A2M: variants seen among roughly 807,000 people sequenced by gnomAD.
A2M encodes C3 and PZP-like alpha-2-macroglobulin domain-containing protein 5.
A2M carries 128 observed loss-of-function variants against 183.9 expected under a neutral mutation model. That is an observed-to-expected ratio of 0.70 (90% CI 0.60 to 0.81). The LOEUF is 0.81. A2M is among the 30% of genes least tolerant of loss of function. The probability of loss-of-function intolerance (pLI) is 0.00; values close to 1 mark genes in which losing one functional copy is unlikely to be tolerated. For synonymous variants in A2M, 592 were observed against 670.8 expected, an observed-to-expected ratio of 0.88 and a Z score of 1.81; for missense variants, 1,495 against 1,787.6, an observed-to-expected ratio of 0.84 and a Z score of 2.95.
At chr12:9,077,551 A>G in intron 26 of A2M, 131 bp from the exon 27 acceptor site, 2 of 1,468,366 alleles carry the variant, frequency 1.4e-6, no homozygotes, top group Non-Finnish European at 1.9e-6. Context: ...TATCACAATC[A>G]ACTTTTGTTC....
chr12:9,101,747 A>C (rs755139071), intron 11 of A2M, 73 bp from the exon 12 acceptor site: 1 of 1,218,592 alleles, frequency 8.2e-7, no homozygotes, highest in Non-Finnish European at 1.2e-6. Flanking sequence ...AAAACTACGT[A>C]AGTTTACTGT....
chr12:9,067,917 G>T, intron 35 of A2M, 78 bp from the exon 36 acceptor site: 1 of 1,373,566 alleles, frequency 7.3e-7, no homozygotes, highest in Non-Finnish European at 1.0e-6. Flanking sequence ...CTTAGTTCTG[G>T]GTAGCATAGT....
chr12:9,106,521 T>C lies in A2M; in HGVS notation c.964A>G (p.Thr322Ala), dbSNP rs1345004962. 1 of 1,598,594 alleles carries C rather than the reference T, an allele frequency of 6.3e-7. No homozygotes were observed. Among genetic ancestry groups the C allele is most frequent in the Admixed American group, 1.7e-5 (1 of 58,120 alleles). Residue 322 changes from threonine (T) to alanine (A), a missense_variant, in exon 9 of 36, where the codon ACT becomes GCT. Transcript: ENST00000318602. ...KRKEYEMKLH[T>A]EAQIQEEGTV... ...CCTTCTTCTTGGATCTGGGCCTCAG[T>C]GTGAAGTTTCATTTCATACTCCTTC...
chr12:9,079,743 T>C lies in A2M; in HGVS notation c.2927A>G (p.Asn976Ser). ...GATGTTAGGAGCAAAGAGGACCATA[T>C]TCTGCTCTCCACAGCCATAGGGCAT... ...LQMPYGCGEQ[N>S]MVLFAPNIYV... The change falls in exon 24 of 36, where the codon AAT becomes AGT. Residue 976 changes from asparagine (N) to serine (S), a missense_variant. Coordinates refer to ENST00000318602, the MANE Select transcript of A2M (RefSeq NM_000014.6). The C allele has an allele frequency of 6.2e-7, 1 of 1,613,742 alleles. No individual in the cohort carries two copies. Among genetic ancestry groups the C allele is most frequent in the Non-Finnish European group, 8.5e-7 (1 of 1,179,782 alleles).
chr12:9,072,785 C>G lies in A2M; in HGVS notation c.3843G>C (p.Gln1281His), dbSNP rs1426931402. The G allele has an allele frequency of 6.2e-7, 1 of 1,614,194 alleles. No individual in the cohort carries two copies. Among genetic ancestry groups the G allele is most frequent in the Non-Finnish European group, 8.5e-7 (1 of 1,180,030 alleles). Residue 1281 changes from glutamine (Q) to histidine (H), a missense_variant, in exon 30 of 36, where the codon CAG (glutamine) becomes CAC (histidine). Coordinates refer to ENST00000318602, the MANE Select transcript of A2M (RefSeq NM_000014.6). ...ATTTGCTGGAAAATGTCCCTGAAGA[C>G]TGGATAGTCACCTGTGCAGCCTTCC... ...RTGKAAQVTI[Q>H]SSGTFSSKFQ...
chr12:9,101,718 T>C (rs1210342809), intron 11 of A2M, 44 bp from the exon 12 acceptor site: 1 of 1,432,524 alleles, frequency 7.0e-7, no homozygotes, highest in African/African-American at 1.4e-5. Context: ...TTATACGTCA[T>C]AAAGATTAAT....
At chr12:9,112,623 TG>T in intron 2 of A2M, 87 bp from the exon 3 acceptor site, 1 of 1,464,606 alleles carries the variant, frequency 6.8e-7, no homozygotes. Flanking sequence ...CTGGAGATCT[TG>T]CCCTTCTTAC....
intron 13 of A2M, among the ~76,000 whole-genome samples, chr12:9,100,253 G>T (rs1424854814): frequency 6.6e-6 from 1 of 152,096 alleles, no homozygotes; most frequent in Non-Finnish European, 1.5e-5. Flanking sequence ...AAATGACTCA[G>T]CACAAGACCT....
At chr12:9,086,372 A>AAACC (rs1373341773) in intron 22 of A2M, among the ~76,000 whole-genome samples, 1 of 152,166 alleles carries the variant, frequency 6.6e-6, no homozygotes, top group South Asian at 2.1e-4. Context: ...TTAAAAAACT[A>AAACC]AACCAACCAA....
At position 9,087,988 on chromosome 12, in the gene A2M, C is replaced by T. The variant is rs766440497; in HGVS notation, c.2770+1212G>A. On this transcript the variant is annotated intron_variant, in intron 22 of 35. Transcript: ENST00000318602. ...AATATAGGAAGACTAAAACACTAAG[C>T]AGAATTGTGATGTATTTATATTATA... Among the ~76,000 whole-genome samples the T allele has an allele frequency of 7.2e-5, 11 of 152,112 alleles. No individual in the cohort carries two copies. In the East Asian group the frequency reaches 2.1e-3, roughly 29 times the overall value.
In A2M at chr12:9,072,661, A is replaced by G. The variant is rs763366610; in HGVS notation, c.3967T>C (p.Tyr1323His). The G allele has an allele frequency of 1.1e-5, 17 of 1,614,038 alleles. No homozygotes were observed. The highest frequency in any genetic ancestry group is 1.4e-5 in the Non-Finnish European group (17 of 1,179,896). ...SMKVTGEGCV[Y>H]LQTSLKYNIL... ...CTGCCCAAGAGTCTCACCTGGAGGT[A>G]GACACATCCTTCTCCTGTCACTTTC... Residue 1323 changes from tyrosine to histidine, a missense_variant, in exon 30 of 36, where the codon TAC becomes CAC. Transcript: ENST00000318602.
In A2M at chr12:9,112,548, G is replaced by T. The variant is rs1938818648; in HGVS notation, c.271-12C>A. The T allele has an allele frequency of 2.5e-6, 4 of 1,613,096 alleles. No individual in the cohort carries two copies. The highest frequency in any genetic ancestry group is 2.2e-5 in the East Asian group (1 of 44,862). ...GAAGACTTTGGGACCTGAAATACAG[G>T]ACCGATCCTGAAACCCCATTCAGCA... is the stretch of plus-strand genomic sequence containing the variant. On this transcript the variant is annotated splice_polypyrimidine_tract_variant and intron_variant, in intron 2 of 35. Transcript: ENST00000318602.
chr12:9,095,111 G>T, intron 16 of A2M, 27 bp from the exon 17 acceptor site: 1 of 1,161,330 alleles, frequency 8.6e-7, no homozygotes, highest in Non-Finnish European at 1.2e-6. Context: ...CATCTAATCA[G>T]TAAATATATA....
At chr12:9,109,450 T>G in intron 6 of A2M, 45 bp from the exon 7 acceptor site, 1 of 1,472,514 alleles carries the variant, frequency 6.8e-7, no homozygotes, top group Non-Finnish European at 9.5e-7. Flanking sequence ...TTTTCAACTT[T>G]GGGGGAATTC....
At chr12:9,086,328 G>A (rs1277247133) in intron 22 of A2M, among the ~76,000 whole-genome samples, 1 of 152,170 alleles carries the variant, frequency 6.6e-6, no homozygotes, top group South Asian at 2.1e-4. Flanking sequence ...AGGAGTTCAA[G>A]TCCAGCCTGG....
In A2M at chr12:9,090,456, G is replaced by A. The variant is rs61730082; in HGVS notation, c.2496C>T (p.Pro832=). The change falls in exon 20 of 36, where the codon CCC becomes CCT. Residue 832 remains proline (P), a synonymous_variant. Coordinates refer to ENST00000318602, the MANE Select transcript of A2M (RefSeq NM_000014.6). ...TCTCCACTGGGACAGCTAGGAAGGCGGGAGAGGCTTCCAGCTGCACACTGA... is the reference window on the plus strand; with the variant it reads ...TCTCCACTGGGACAGCTAGGAAGGCAGGAGAGGCTTCCAGCTGCACACTGA... ...IRVSVQLEAS[P]AFLAVPVEKE... is the part of the protein sequence containing the mutation. 1.8e-4 allele frequency: 283 copies of A among 1,613,954 alleles called. 2 individuals are homozygous for A. In the African/African-American group the frequency reaches 3.1e-3, roughly 17 times the overall value.
chr12:9,097,992 A>G (rs1425069938), intron 15 of A2M, among the ~76,000 whole-genome samples: 2 of 152,214 alleles, frequency 1.3e-5, no homozygotes, highest in Non-Finnish European at 2.9e-5. Flanking sequence ...CAGTGCAGGT[A>G]TATGTATCAC....
chr12:9,077,844 C>T lies in A2M; in HGVS notation c.3133G>A (p.Val1045Ile). ...CGAGCTTGGGCAAAAGTCTTCAGAA[C>T]AAAGGCTGTGAGCCTGACCAGGGAG... ...NQGNTWLTAFVLKTFAQARAY... is the reference protein window; with the variant it reads ...NQGNTWLTAFILKTFAQARAY... The change falls in exon 26 of 36, where the codon GTT (valine) becomes ATT (isoleucine). Residue 1045 changes from valine (V) to isoleucine (I), a missense_variant. Val to Ile is a conservative substitution (Grantham distance 29, BLOSUM62 3). Transcript: ENST00000318602. The T allele has an allele frequency of 6.2e-7, 1 of 1,614,126 alleles. No individual in the cohort carries two copies. The highest frequency in any genetic ancestry group is 1.6e-4 in the Middle Eastern group (1 of 6,062).
chr12:9,073,079 C>T lies in A2M; in HGVS notation c.3757-208G>A, dbSNP rs1381949596. On this transcript the variant is annotated intron_variant, in intron 29 of 35. Transcript: ENST00000318602. The stretch of plus-strand genomic sequence containing the variant: ...TATCTACCTTGGACTGTATGCCCTA[C>T]ATGTTTATTTTATTTATCAGAAAAT... Among the ~76,000 whole-genome samples, 80 of 152,282 alleles carry T rather than the reference C, an allele frequency of 5.3e-4. No homozygotes were observed. In the South Asian group the frequency reaches 6.0e-3, roughly 11 times the overall value.
Sources: allele counts gnomAD v4.1 joint callset (sites outside exome capture counted in the v4.1 genomes callset), GRCh38; gene constraint gnomAD v4.1.1; transcripts MANE v1.5; gene names NCBI Gene and HGNC (gene_info 2026-07-23, HGNC 2026-07-21).